The following DPP10 variants were observed in gnomAD, a reference collection of about 807,000 sequenced individuals.
DPP10 encodes dipeptidyl peptidase like 10.
A neutral mutation model predicts 120.9 loss-of-function variants in DPP10; 33 were observed. The observed-to-expected ratio is 0.27, with a 90% CI of 0.21 to 0.37. DPP10 has a LOEUF of 0.37. DPP10 is among the 10% of genes least tolerant of loss of function. DPP10 has a pLI of 1.00. For synonymous variants in DPP10, 337 were observed against 326.1 expected (o/e 1.03, Z -0.36); for missense variants, 816 against 942.8 (o/e 0.87, Z 1.76).
intron 11 of DPP10, among the ~76,000 whole-genome samples, chr2:115,756,655 G>C (rs1273363182): frequency 6.6e-6 from 1 of 152,128 alleles, no homozygotes; most frequent in Non-Finnish European, 1.5e-5. Context: ...GAAGCGGGTG[G>C]ATTGCATGAT....
At chr2:114,912,006 TG>T (rs1694405164) in intron 1 of DPP10, among the ~76,000 whole-genome samples, 1 of 152,184 alleles carries the variant, frequency 6.6e-6, no homozygotes, top group African/African-American at 2.4e-5. Flanking sequence ...TACTGGAACT[TG>T]AGACATGGCC....
intron 5 of DPP10, among the ~76,000 whole-genome samples, chr2:115,587,413 T>C (rs1261037455): frequency 6.6e-6 from 1 of 152,200 alleles, no homozygotes; most frequent in Non-Finnish European, 1.5e-5. Flanking sequence ...ACCATTCTAC[T>C]CTCTGCTTCT....
At chr2:115,110,739 A>C (rs946663501) in intron 1 of DPP10, among the ~76,000 whole-genome samples, 2 of 152,014 alleles carry the variant, frequency 1.3e-5, no homozygotes, top group Admixed American at 6.6e-5. Context: ...TTCTTCAGGT[A>C]GTTTTCTTTA....
chr2:114,671,531 A>G (rs894862861), intron 1 of DPP10, among the ~76,000 whole-genome samples: 9 of 152,134 alleles, frequency 5.9e-5, no homozygotes, highest in African/African-American at 2.2e-4. Flanking sequence ...TTTTCTTTAT[A>G]AATTACCCAG....
intron 1 of DPP10, among the ~76,000 whole-genome samples, chr2:114,507,665 A>G (rs1360658914): frequency 2.6e-5 from 4 of 151,296 alleles, no homozygotes; most frequent in Middle Eastern, 3.4e-3. Flanking sequence ...GTGGTTGGGG[A>G]CAGAGACCTG....
chr2:115,742,124 C>A (rs1677353375), intron 9 of DPP10, among the ~76,000 whole-genome samples: 2 of 152,038 alleles, frequency 1.3e-5, no homozygotes, highest in African/African-American at 4.8e-5. Context: ...GTCTTTATCA[C>A]AATTGTCTCA....
chr2:115,794,648 C>T (rs1282036037), intron 19 of DPP10, among the ~76,000 whole-genome samples: 5 of 152,048 alleles, frequency 3.3e-5, no homozygotes, highest in Admixed American at 6.6e-5. Context: ...GCTGTGGTCT[C>T]TACGGAGTCA....
intron 5 of DPP10, among the ~76,000 whole-genome samples, chr2:115,629,853 T>C (rs1449914310): frequency 6.6e-6 from 1 of 152,196 alleles, no homozygotes; most frequent in Non-Finnish European, 1.5e-5. Context: ...TCCAGCTTTG[T>C]TCTTGCCCAG....
intron 1 of DPP10, among the ~76,000 whole-genome samples, chr2:115,222,167 A>G (rs947856331): frequency 1.3e-5 from 2 of 152,102 alleles, no homozygotes; most frequent in Admixed American, 1.3e-4. Flanking sequence ...CTTTAGAGTA[A>G]ATGAGTAAAG....
chr2:115,064,420 A>G lies in DPP10; in HGVS notation c.61-244819A>G, dbSNP rs371827761. Among the ~76,000 whole-genome samples, 209 of 152,298 alleles carry G rather than the reference A, an allele frequency of 1.4e-3. 8 individuals carry two copies. In the South Asian group the frequency reaches 0.042, roughly 31 times the overall value. Reference sequence around the variant, plus strand: ...AAGGTAAAGCAGATGTTTGACCTTCAGGATCTCTTCCCCCAGAAGCTATAT... The same window carrying G: ...AAGGTAAAGCAGATGTTTGACCTTCGGGATCTCTTCCCCCAGAAGCTATAT... On this transcript the variant is annotated intron_variant, in intron 1 of 25. Coordinates refer to ENST00000410059, the MANE Select transcript of DPP10 (RefSeq NM_020868.6).
At chr2:114,888,238 A>G (rs1405443478) in intron 1 of DPP10, among the ~76,000 whole-genome samples, 1 of 152,190 alleles carries the variant, frequency 6.6e-6, no homozygotes, top group Non-Finnish European at 1.5e-5. Context: ...GAGCAGTGGC[A>G]TCCACATTCT....
intron 1 of DPP10, among the ~76,000 whole-genome samples, chr2:114,463,646 T>C (rs951827639): frequency 6.6e-6 from 1 of 152,210 alleles, no homozygotes; most frequent in Non-Finnish European, 1.5e-5. Context: ...CTTAATCTAC[T>C]AGTTATTTTA....
intron 1 of DPP10, among the ~76,000 whole-genome samples, chr2:114,623,276 ACT>A (rs747997089): frequency 3.9e-5 from 6 of 152,088 alleles, no homozygotes; most frequent in South Asian, 4.1e-4. Flanking sequence ...AATTGTAGAG[ACT>A]CTATCACAAA....
intron 1 of DPP10, among the ~76,000 whole-genome samples, chr2:115,244,239 T>TATATATATATATAG (rs1348001277): frequency 1.1e-5 from 1 of 93,478 alleles, no homozygotes; most frequent in African/African-American, 3.8e-5. Flanking sequence ...TATATATATA[T>TATATATATATATAG]AGAGAGAGAG....
chr2:115,802,628 G>T (rs1451559940), intron 19 of DPP10, among the ~76,000 whole-genome samples: 2 of 152,134 alleles, frequency 1.3e-5, no homozygotes, highest in Non-Finnish European at 2.9e-5. Context: ...CTGGTATATT[G>T]TGTCTTTGTT....
intron 5 of DPP10, among the ~76,000 whole-genome samples, chr2:115,605,118 T>G (rs10205952): frequency 0.21 from 32,244 of 152,148 alleles, 3,997 homozygotes; most frequent in East Asian, 0.39. Context: ...GACTAGGTCA[T>G]GGAATACCTT....
chr2:115,612,695 T>A (rs533528776), intron 5 of DPP10, among the ~76,000 whole-genome samples: 1 of 152,284 alleles, frequency 6.6e-6, no homozygotes, highest in South Asian at 2.1e-4. Flanking sequence ...ATTTAATGTC[T>A]CTGAGCCTCA....
At chr2:114,821,687 G>T (rs192357394) in intron 1 of DPP10, among the ~76,000 whole-genome samples, 2 of 152,268 alleles carry the variant, frequency 1.3e-5, no homozygotes, top group East Asian at 3.9e-4. Context: ...TACAGGCATT[G>T]GTTAAATACA....
At chr2:114,901,657 G>A (rs903938227) in intron 1 of DPP10, among the ~76,000 whole-genome samples, 32 of 152,172 alleles carry the variant, frequency 2.1e-4, no homozygotes, top group Admixed American at 2.0e-3. Context: ...TGACATCACA[G>A]ACATCTCAAT....
Sources: gnomAD v4.1 joint callset for allele counts (sites outside exome capture counted in the v4.1 genomes callset) on GRCh38, gnomAD v4.1.1 for gene constraint, MANE v1.5 for transcripts, NCBI Gene and HGNC (gene_info 2026-07-23, HGNC 2026-07-21) for gene names.